SYN3: variants seen among roughly 807,000 people sequenced by gnomAD.
SYN3 encodes synapsin-3.
A neutral mutation model predicts 65.8 loss-of-function variants in SYN3; 35 were observed. That is an observed-to-expected ratio of 0.53 (90% CI 0.41 to 0.70). The LOEUF (loss-of-function observed/expected upper bound fraction) is 0.70, where lower values mean the gene tolerates loss of function less well. Ranked by LOEUF, SYN3 falls within the 30% of genes least tolerant of loss-of-function variation. The pLI, the probability that SYN3 is intolerant of heterozygous loss-of-function variation, is 0.00. For synonymous variants in SYN3, 270 were observed against 292.9 expected, an observed-to-expected ratio of 0.92 and a Z score of 0.80; for missense variants, 680 against 749.0, an observed-to-expected ratio of 0.91 and a Z score of 1.08.
intron 10 of SYN3, among the ~76,000 whole-genome samples, chr22:32,533,522 C>T (rs1365613731): frequency 6.6e-6 from 1 of 152,098 alleles, no homozygotes; most frequent in Non-Finnish European, 1.5e-5. Context: ...GACCAGATGC[C>T]CTTTCCTTCC....
At chr22:32,934,900 G>A (rs1439320532) in intron 3 of SYN3, among the ~76,000 whole-genome samples, 2 of 152,282 alleles carry the variant, frequency 1.3e-5, no homozygotes, top group South Asian at 2.1e-4. Flanking sequence ...CAGGAAAGAA[G>A]ATCATGGGAA....
intron 3 of SYN3, among the ~76,000 whole-genome samples, chr22:32,974,396 A>G (rs1006020289): frequency 1.1e-4 from 17 of 152,252 alleles, no homozygotes; most frequent in Non-Finnish European, 2.5e-4. Context: ...TAAGGACTCA[A>G]CAAATGGTAA....
At chr22:32,987,100 G>A (rs1243636591) in intron 2 of SYN3, among the ~76,000 whole-genome samples, 1 of 152,076 alleles carries the variant, frequency 6.6e-6, no homozygotes. Flanking sequence ...TAGAGTTAAC[G>A]CAGCCAGGGC....
At chr22:32,739,179 G>C (rs1433362369) in intron 6 of SYN3, among the ~76,000 whole-genome samples, 1 of 150,724 alleles carries the variant, frequency 6.6e-6, no homozygotes, top group African/African-American at 2.4e-5. Flanking sequence ...ATCACAGGGG[G>C]GGGGCGGTTT....
intron 4 of SYN3, among the ~76,000 whole-genome samples, chr22:32,912,941 C>A (rs998761126): frequency 1.3e-5 from 2 of 152,040 alleles, no homozygotes; most frequent in Non-Finnish European, 2.9e-5. Context: ...TTTGCCAAAG[C>A]CCATAGACTA....
At chr22:32,750,892 G>A (rs1219836709) in intron 6 of SYN3, among the ~76,000 whole-genome samples, 2 of 152,048 alleles carry the variant, frequency 1.3e-5, no homozygotes, top group Admixed American at 1.3e-4. Flanking sequence ...GTTTTGGGGT[G>A]GGGAGAAGAT....
intron 6 of SYN3, among the ~76,000 whole-genome samples, chr22:32,686,924 A>C (rs2060598289): frequency 6.6e-6 from 1 of 152,000 alleles, no homozygotes; most frequent in Non-Finnish European, 1.5e-5. Flanking sequence ...TGATGTTATG[A>C]AATGCCTTAT....
At chr22:32,670,028 C>T (rs2060339616) in intron 6 of SYN3, among the ~76,000 whole-genome samples, 1 of 152,130 alleles carries the variant, frequency 6.6e-6, no homozygotes, top group Non-Finnish European at 1.5e-5. Context: ...TATACTAGCC[C>T]CAGACTGCTT....
intron 6 of SYN3, among the ~76,000 whole-genome samples, chr22:32,840,702 A>G (rs933654033): frequency 7.2e-5 from 11 of 152,106 alleles, no homozygotes; most frequent in African/African-American, 2.7e-4. Flanking sequence ...AGACGCAGCA[A>G]ACTGAGTCTC....
intron 6 of SYN3, among the ~76,000 whole-genome samples, chr22:32,735,736 T>C (rs182670391): frequency 7.6e-4 from 116 of 152,312 alleles, no homozygotes; most frequent in Admixed American, 1.7e-3. Context: ...AGAGAGGTCA[T>C]TGGGTCTCCC....
chr22:33,048,638 G>C (rs914623348), intron 1 of SYN3, among the ~76,000 whole-genome samples: 1 of 152,060 alleles, frequency 6.6e-6, no homozygotes, highest in Non-Finnish European at 1.5e-5. Context: ...TTACCCCTTC[G>C]CCTTCTGCCA....
At chr22:32,535,029 G>GC (rs1293291361) in intron 9 of SYN3, among the ~76,000 whole-genome samples, 2 of 152,142 alleles carry the variant, frequency 1.3e-5, no homozygotes, top group Non-Finnish European at 2.9e-5. Flanking sequence ...GGCATTCTGG[G>GC]CCCGGGGGCT....
intron 6 of SYN3, among the ~76,000 whole-genome samples, chr22:32,780,346 A>G (rs2046010245): frequency 6.6e-6 from 1 of 152,092 alleles, no homozygotes; most frequent in Non-Finnish European, 1.5e-5. Flanking sequence ...ATTACAGGTG[A>G]TCGGACAACT....
intron 4 of SYN3, among the ~76,000 whole-genome samples, chr22:32,916,127 AT>A (rs1285656146): frequency 6.6e-6 from 1 of 152,210 alleles, no homozygotes. Flanking sequence ...AGGAAGCTCA[AT>A]AGCCACGTGA....
Position 32,563,229 on chromosome 22 carries a change from T to G in SYN3, c.775-21516A>C, listed in dbSNP as rs116222010. Among the ~76,000 whole-genome samples, 1,118 of 152,362 alleles carry G rather than the reference T, an allele frequency of 7.3e-3. 8 individuals are homozygous for G. The highest frequency in any genetic ancestry group is 0.025 in the African/African-American group (1,032 of 41,592). On this transcript the variant is annotated intron_variant, in intron 7 of 13. Transcript: ENST00000358763. Reference sequence around the variant, plus strand: ...GAAGTTCTCCAGGCAGGGCCTGGCATGTAGCATGTGCTCAATACATTCATC... The same window carrying G: ...GAAGTTCTCCAGGCAGGGCCTGGCAGGTAGCATGTGCTCAATACATTCATC...
intron 7 of SYN3, among the ~76,000 whole-genome samples, chr22:32,586,171 C>T (rs947599686): frequency 6.6e-6 from 1 of 151,214 alleles, no homozygotes; most frequent in Non-Finnish European, 1.5e-5. Flanking sequence ...CACATGCACA[C>T]ACATGCAAAT....
chr22:32,592,108 C>A (rs2059135665), intron 7 of SYN3, among the ~76,000 whole-genome samples: 1 of 152,224 alleles, frequency 6.6e-6, no homozygotes, highest in South Asian at 2.1e-4. Context: ...CAGGAATCCA[C>A]TGGGGGTCTT....
chr22:32,787,799 G>A (rs1417165268), intron 6 of SYN3, among the ~76,000 whole-genome samples: 1 of 152,144 alleles, frequency 6.6e-6, no homozygotes, highest in East Asian at 1.9e-4. Flanking sequence ...GTGCTCCTCC[G>A]CTGCGGCACA....
chr22:32,942,663 GT>G (rs1478762334), intron 3 of SYN3, among the ~76,000 whole-genome samples: 3 of 152,176 alleles, frequency 2.0e-5, no homozygotes, highest in Admixed American at 2.0e-4. Context: ...AAAGGAGGAA[GT>G]TCAAACCCAT....
Sources: allele counts gnomAD v4.1 joint callset (sites outside exome capture counted in the v4.1 genomes callset), GRCh38; gene constraint gnomAD v4.1.1; transcripts MANE v1.5; gene names NCBI Gene and HGNC (gene_info 2026-07-23, HGNC 2026-07-21).